The following SEM1 variants were observed in gnomAD, a reference collection of about 807,000 sequenced individuals.
SEM1 encodes the protein SEM1 26S proteasome subunit.
SEM1 carries 3 observed loss-of-function variants against 12.7 expected under a neutral mutation model. The observed-to-expected ratio is 0.24, with a 90% confidence interval of 0.11 to 0.61. The LOEUF (loss-of-function observed/expected upper bound fraction) is 0.61. Ranked by LOEUF, SEM1 falls within the 20% of genes least tolerant of loss-of-function variation. The probability of loss-of-function intolerance (pLI) is 0.88; values close to 1 mark genes in which losing one functional copy is unlikely to be tolerated. For missense variants in SEM1, 59 were observed against 81.3 expected, an observed-to-expected ratio of 0.73 and a Z score of 1.06; for synonymous variants, 30 against 27.8, an observed-to-expected ratio of 1.08 and a Z score of -0.25.
chr7:96,635,129 C>A (rs1193861848), intron 2 of SEM1, among the ~76,000 whole-genome samples: 1 of 151,806 alleles, frequency 6.6e-6, no homozygotes, highest in Non-Finnish European at 1.5e-5. Context: ...GAGGAAAAGT[C>A]AAAAAGATTG....
intron 2 of SEM1, among the ~76,000 whole-genome samples, chr7:96,614,565 A>G (rs1028145059): frequency 2.6e-5 from 4 of 152,230 alleles, no homozygotes; most frequent in Non-Finnish European, 4.4e-5. Context: ...TATGCAAGCT[A>G]TAGCCGAAAA....
intron 2 of SEM1, among the ~76,000 whole-genome samples, chr7:96,571,891 T>C (rs1192235964): frequency 6.6e-6 from 1 of 151,770 alleles, no homozygotes; most frequent in African/African-American, 2.4e-5. Context: ...CTTTTAGAAC[T>C]GGGCTGTGAA....
chr7:96,645,746 G>T, intron 2 of SEM1: 1 of 398,206 alleles, frequency 2.5e-6, no homozygotes, highest in South Asian at 1.3e-4. Context: ...AACTTTACAT[G>T]ACCCATGCCG....
At chr7:96,637,677 A>G (rs1369046413) in intron 2 of SEM1, among the ~76,000 whole-genome samples, 1 of 152,004 alleles carries the variant, frequency 6.6e-6, no homozygotes, top group African/African-American at 2.4e-5. Flanking sequence ...GCATAAGATG[A>G]AAGAGACACC....
chr7:96,665,890 T>C (rs1789157819), intron 2 of SEM1, among the ~76,000 whole-genome samples: 1 of 152,204 alleles, frequency 6.6e-6, no homozygotes, highest in Non-Finnish European at 1.5e-5. Context: ...TCCTGTGAGA[T>C]ACCAGCCCTG....
chr7:96,571,607 T>C (rs1039605167), intron 2 of SEM1, among the ~76,000 whole-genome samples: 11 of 151,092 alleles, frequency 7.3e-5, no homozygotes, highest in East Asian at 1.9e-4. Flanking sequence ...CATATATATA[T>C]ACATACATAT....
intron 1 of SEM1, chr7:96,696,853 C>G (rs1346619486): frequency 6.6e-6 from 1 of 151,978 alleles, no homozygotes; most frequent in Non-Finnish European, 1.5e-5. Flanking sequence ...CTGGGTTTAG[C>G]TGACATCTTC....
chr7:96,695,963 T>C (rs1228381849), intron 1 of SEM1: 1 of 152,002 alleles, frequency 6.6e-6, no homozygotes, highest in Non-Finnish European at 1.5e-5. Context: ...AAAGCAACTA[T>C]CTTTTAAGAA....
intron 2 of SEM1, among the ~76,000 whole-genome samples, chr7:96,600,804 C>T (rs1046076425): frequency 3.9e-5 from 6 of 152,148 alleles, no homozygotes; most frequent in African/African-American, 1.2e-4. Context: ...TGGATGTCTC[C>T]CTCAGCCCTG....
chr7:96,645,639 G>A (rs920723307), intron 2 of SEM1: 2 of 396,642 alleles, frequency 5.0e-6, no homozygotes, highest in African/African-American at 4.1e-5. Flanking sequence ...ACTCTTGAGA[G>A]CTTAAGTTTA....
intron 2 of SEM1, among the ~76,000 whole-genome samples, chr7:96,693,030 G>GA (rs1293630955): frequency 6.6e-6 from 1 of 151,496 alleles, no homozygotes; most frequent in African/African-American, 2.4e-5. Flanking sequence ...CTAAAAATGA[G>GA]AAAAAAAGTA....
At chr7:96,536,036 A>T (rs1711556906) in intron 2 of SEM1, among the ~76,000 whole-genome samples, 1 of 151,934 alleles carries the variant, frequency 6.6e-6, no homozygotes, top group Non-Finnish European at 1.5e-5. Context: ...GAATAACCAC[A>T]CTGCTTTCCA....
At position 96,603,383 on chromosome 7, in the gene SEM1, A is replaced by T. The variant is rs1031675899; in HGVS notation, c.170+91415T>A. On this transcript the variant is annotated intron_variant and NMD_transcript_variant, in intron 2 of 3. Coordinates refer to the SEM1 transcript ENST00000466986. ...CAGTCAAGGTTTATGATCGTTCTCAAGATTGACTCATGGAGTGGCAGTGAG... is the reference window on the plus strand; with the variant it reads ...CAGTCAAGGTTTATGATCGTTCTCATGATTGACTCATGGAGTGGCAGTGAG... Among the ~76,000 whole-genome samples the T allele has an allele frequency of 3.3e-5, 5 of 152,188 alleles. No individual in the cohort carries two copies. In the East Asian group the frequency reaches 9.6e-4, roughly 29 times the overall value.
At chr7:96,551,485 A>G (rs1805268914) in intron 2 of SEM1, among the ~76,000 whole-genome samples, 1 of 152,072 alleles carries the variant, frequency 6.6e-6, no homozygotes, top group Non-Finnish European at 1.5e-5. Context: ...GGATCACTTG[A>G]GGTCAGGAGT....
At chr7:96,581,181 C>T (rs1207888850) in intron 2 of SEM1, among the ~76,000 whole-genome samples, 1 of 152,180 alleles carries the variant, frequency 6.6e-6, no homozygotes, top group Non-Finnish European at 1.5e-5. Flanking sequence ...TTTCAGCTTT[C>T]TACATACAGC....
At chr7:96,586,464 C>T (rs1321224530) in intron 2 of SEM1, among the ~76,000 whole-genome samples, 1 of 152,208 alleles carries the variant, frequency 6.6e-6, no homozygotes, top group African/African-American at 2.4e-5. Context: ...TGCTGCTAGC[C>T]ATTAGACTAC....
At chr7:96,635,046 A>C (rs1347447329) in intron 2 of SEM1, among the ~76,000 whole-genome samples, 1 of 152,124 alleles carries the variant, frequency 6.6e-6, no homozygotes, top group Non-Finnish European at 1.5e-5. Context: ...TAGTCTGGGA[A>C]AGATGAAAGT....
intron 2 of SEM1, among the ~76,000 whole-genome samples, chr7:96,651,707 G>C (rs981516179): frequency 6.6e-6 from 1 of 152,128 alleles, no homozygotes. Flanking sequence ...AAGTAGCTGG[G>C]ATTACAGGCA....
chr7:96,631,592 A>T (rs1321974087), intron 2 of SEM1, among the ~76,000 whole-genome samples: 1 of 152,194 alleles, frequency 6.6e-6, no homozygotes, highest in East Asian at 1.9e-4. Flanking sequence ...ACCTAAAATC[A>T]TAAAAACCCT....
Sources: allele counts gnomAD v4.1 joint callset (sites outside exome capture counted in the v4.1 genomes callset), GRCh38; gene constraint gnomAD v4.1.1; transcripts MANE v1.5; gene names NCBI Gene and HGNC (gene_info 2026-07-23, HGNC 2026-07-21).